Variants in LRRFIP2 observed in about 807,000 individuals in gnomAD.
The protein encoded by LRRFIP2 is LRR binding FLII interacting protein 2.
LRRFIP2 carries 109 observed loss-of-function variants against 125.9 expected under a neutral mutation model. That is an observed-to-expected ratio of 0.87 (90% CI 0.74 to 1.01). The LOEUF (loss-of-function observed/expected upper bound fraction) is 1.01, where lower values mean the gene tolerates loss of function less well. Among genes scored for constraint, LRRFIP2 ranks in the 50% least tolerant of loss-of-function variants. LRRFIP2 has a pLI of 0.00. For missense variants in LRRFIP2, 850 were observed against 862.3 expected (o/e 0.99, Z 0.18); for synonymous variants, 291 against 293.1 (o/e 0.99, Z 0.07).
chr3:37,066,166 A>T (rs1575936805), intron 22 of LRRFIP2, 58 bp downstream of exon 22: 2 of 1,463,036 alleles, frequency 1.4e-6, no homozygotes, highest in East Asian at 4.5e-5. Context: ...GGATGAAAGG[A>T]AGGAAGATAG....
chr3:37,121,500 T>A lies in LRRFIP2; in HGVS notation c.322A>T (p.Ser108Cys). Residue 108 changes from serine to cysteine, a missense_variant, in exon 6 of 28, where the codon AGT (serine) becomes TGT (cysteine). Physicochemically the swap from Ser to Cys is moderately radical, Grantham distance 112. Coordinates refer to ENST00000336686, the MANE Select transcript of LRRFIP2 (RefSeq NM_006309.4). Reference sequence around the variant, plus strand: ...CAAGTTAAAATACCAACCCTGTGACTGCCAACACTTCGAATGGACAATGCA... The same window carrying A: ...CAAGTTAAAATACCAACCCTGTGACAGCCAACACTTCGAATGGACAATGCA... ...EDALSIRSVG[S>C]HRYDMFKDRS... 1 of 1,613,996 alleles carries A rather than the reference T, an allele frequency of 6.2e-7. No homozygotes were observed. Among genetic ancestry groups the A allele is most frequent in the Non-Finnish European group, 8.5e-7 (1 of 1,179,878 alleles).
chr3:37,071,048 T>A (rs2091095772), intron 21 of LRRFIP2, among the ~76,000 whole-genome samples: 1 of 152,226 alleles, frequency 6.6e-6, no homozygotes, highest in South Asian at 2.1e-4. Flanking sequence ...CAATCAAATT[T>A]CACTTTTCAA....
At position 37,152,878 on chromosome 3, in the gene LRRFIP2, T is replaced by C. The variant is rs1171470701; in HGVS notation, c.-55-3840A>G. ...GCACTATGGTATCATCCAATATTTG[T>C]CCATCAGTCAGCTTTCCAAGGACAC... On this transcript the variant is annotated intron_variant, in intron 1 of 27. Coordinates refer to ENST00000336686, the MANE Select transcript of LRRFIP2 (RefSeq NM_006309.4). Among the ~76,000 whole-genome samples, 3 of 152,190 alleles carry C rather than the reference T, an allele frequency of 2.0e-5. 1 individual carries two copies. The highest frequency in any genetic ancestry group is 2.0e-4 in the Admixed American group (3 of 15,282).
chr3:37,172,277 T>C (rs1451831974), intron 1 of LRRFIP2, among the ~76,000 whole-genome samples: 3 of 152,148 alleles, frequency 2.0e-5, no homozygotes, highest in Non-Finnish European at 4.4e-5. Flanking sequence ...TATCTGTCAA[T>C]AGAAAATGGT....
At chr3:37,086,864 T>TC (rs1203269353) in intron 18 of LRRFIP2, among the ~76,000 whole-genome samples, 2 of 152,124 alleles carry the variant, frequency 1.3e-5, no homozygotes, top group Non-Finnish European at 1.5e-5. Flanking sequence ...CACACACTTT[T>TC]TTTTTTTTTT....
chr3:37,164,002 T>C (rs567055537), intron 1 of LRRFIP2, among the ~76,000 whole-genome samples: 1 of 152,224 alleles, frequency 6.6e-6, no homozygotes, highest in Non-Finnish European at 1.5e-5. Context: ...AGTTCACAAC[T>C]AATTTTATGC....
chr3:37,129,142 G>C lies in LRRFIP2; in HGVS notation c.98C>G (p.Ala33Gly). Residue 33 changes from alanine to glycine, a missense_variant, in exon 3 of 28, where the codon GCA becomes GGA. By Grantham distance (60) the Ala-to-Gly change is moderately conservative (BLOSUM62 0). Transcript: ENST00000336686. ...GGCAGCCCGTTTTGCTGCCAGCCTT[G>C]CCTCTGCCTGAAAAGTAATATAAAA... ...ALSNIAREAE[A>G]RLAAKRAARA... 1 of 1,613,538 alleles carries C rather than the reference G, an allele frequency of 6.2e-7. No individual in the cohort carries two copies. The highest frequency in any genetic ancestry group is 8.5e-7 in the Non-Finnish European group (1 of 1,179,890).
intron 2 of LRRFIP2, among the ~76,000 whole-genome samples, chr3:37,133,447 A>G (rs1175952729): frequency 6.6e-6 from 1 of 152,252 alleles, no homozygotes; most frequent in Non-Finnish European, 1.5e-5. Context: ...TGGTATACAC[A>G]TACTTTGGAT....
rs144121356 is a variant in LRRFIP2 at position 37,146,449 on chromosome 3, T to C, written c.90+2445A>G. Among the ~76,000 whole-genome samples the C allele has an allele frequency of 8.2e-3, 1,255 of 152,234 alleles. 9 individuals carry two copies. The highest frequency in any genetic ancestry group is 0.014 in the Non-Finnish European group (943 of 67,992). On this transcript the variant is annotated intron_variant, in intron 2 of 27. Transcript: ENST00000336686. ...CACATGCATTAGCTATTTATCCTGA[T>C]GCTCTCCCTCACCCCACTGTGCTCC... is the stretch of plus-strand genomic sequence containing the variant.
Position 37,137,703 on chromosome 3 carries a change from A to C in LRRFIP2, c.91-8554T>G, listed in dbSNP as rs137885451. Among the ~76,000 whole-genome samples, 642 of 152,244 alleles carry C rather than the reference A, an allele frequency of 4.2e-3. 5 individuals carry two copies. Among genetic ancestry groups the C allele is most frequent in the Non-Finnish European group, 7.0e-3 (477 of 68,006 alleles). ...TTTCAACTACCAGCCAATGAGAATGACTCAAATCTAGCATCTCAAGCTCTG... is the reference window on the plus strand; with the variant it reads ...TTTCAACTACCAGCCAATGAGAATGCCTCAAATCTAGCATCTCAAGCTCTG... On this transcript the variant is annotated intron_variant, in intron 2 of 27. Coordinates refer to ENST00000336686, the MANE Select transcript of LRRFIP2 (RefSeq NM_006309.4).
chr3:37,171,068 T>G (rs1231987862), intron 1 of LRRFIP2: 2 of 152,308 alleles, frequency 1.3e-5, no homozygotes, highest in African/African-American at 4.8e-5. Context: ...AGTGAGACCC[T>G]GTCTCAAAAC....
chr3:37,078,137 T>A (rs955771092), intron 19 of LRRFIP2, among the ~76,000 whole-genome samples: 3 of 152,124 alleles, frequency 2.0e-5, no homozygotes, highest in African/African-American at 7.2e-5. Flanking sequence ...ATGGTTAAGA[T>A]AATAAATTTA....
chr3:37,161,179 T>TAAAAAA lies in LRRFIP2; in HGVS notation c.-55-12147_-55-12142dup, dbSNP rs60688555. ...GTCAACATGGTGAAACCCCATCTAC[T>TAAAAAA]AAAAAAAAAAAAAAAAAAAAGCAAA... On this transcript the variant is annotated intron_variant, in intron 1 of 27. Transcript: ENST00000336686. Among the ~76,000 whole-genome samples, 271 of 88,040 alleles carry TAAAAAA rather than the reference T, an allele frequency of 3.1e-3. 7 individuals carry two copies. The highest frequency in any genetic ancestry group is 0.016 in the South Asian group (36 of 2,320). The allele number at this position is 88,040 out of a possible 152,430, so 57.8% of individuals were successfully genotyped here. A position where few individuals can be genotyped will look rare whatever the true frequency, so the allele number is the denominator to read the frequency against.
chr3:37,112,398 G>A lies in LRRFIP2; in HGVS notation c.438+517C>T, dbSNP rs533817040. Among the ~76,000 whole-genome samples, 19 of 151,414 alleles carry A rather than the reference G, an allele frequency of 1.3e-4. No homozygotes were observed. In the East Asian group the frequency reaches 3.7e-3, roughly 29 times the overall value. ...GAAAAAAGAAGTGTTGTTTCACAAA[G>A]TGACTAGAATAAAGAGTATATTAAT... On this transcript the variant is annotated intron_variant, in intron 8 of 27. Coordinates refer to ENST00000336686, the MANE Select transcript of LRRFIP2 (RefSeq NM_006309.4).
intron 25 of LRRFIP2, 140 bp downstream of exon 25, chr3:37,058,650 G>A: frequency 2.4e-6 from 2 of 845,066 alleles, no homozygotes; most frequent in Non-Finnish European, 3.7e-6. Flanking sequence ...ACTCTGACCT[G>A]GGTGACAGAG....
chr3:37,175,097 C>T (rs1263282504), upstream of LRRFIP2: 1 of 152,212 alleles, frequency 6.6e-6, no homozygotes, highest in Non-Finnish European at 1.5e-5. Flanking sequence ...GATTTATCCT[C>T]AAAATAAAAT....
chr3:37,072,765 A>T, intron 21 of LRRFIP2, 25 bp downstream of exon 21: 1 of 1,457,864 alleles, frequency 6.9e-7, no homozygotes, highest in Non-Finnish European at 9.6e-7. Flanking sequence ...TGAGCTTCTA[A>T]CCAAAGCCCA....
chr3:37,060,228 C>A lies in LRRFIP2; in HGVS notation c.1750-1318G>T, dbSNP rs953085739. Among the ~76,000 whole-genome samples, 4 of 152,142 alleles carry A rather than the reference C, an allele frequency of 2.6e-5. No homozygotes were observed. Among genetic ancestry groups the A allele is most frequent in the African/African-American group, 9.7e-5 (4 of 41,430 alleles). ...TGTCCTCAGTCTTTTCTGAGCATCC[C>A]CCCTTTACCCTCGTGCTCTGATAAC... is the stretch of plus-strand genomic sequence containing the variant. On this transcript the variant is annotated intron_variant, in intron 24 of 27. Transcript: ENST00000336686. This position sits in a 1 kb window ranked among gnomAD's most constrained non-coding sequence, Gnocchi z 4.1.
chr3:37,082,292 G>A (rs1195242191), intron 19 of LRRFIP2, among the ~76,000 whole-genome samples: 3 of 152,004 alleles, frequency 2.0e-5, no homozygotes, highest in South Asian at 4.1e-4. Flanking sequence ...CTCTTCAATG[G>A]GCCACTGTCA....
Sources: allele counts gnomAD v4.1 joint callset (sites outside exome capture counted in the v4.1 genomes callset), GRCh38; gene constraint gnomAD v4.1.1; non-coding constraint Gnocchi (gnomAD v3.1); transcripts MANE v1.5; gene names NCBI Gene and HGNC (gene_info 2026-07-23, HGNC 2026-07-21).